The following TRAF2 variants were observed in gnomAD, a reference collection of about 807,000 sequenced individuals.
The protein encoded by TRAF2 is TNF receptor associated factor 2, also known as TNF receptor-associated factor 2.
A neutral mutation model predicts 55.6 loss-of-function variants in TRAF2; 6 were observed. That is an observed-to-expected ratio of 0.11 (90% confidence interval 0.06 to 0.21). The LOEUF (loss-of-function observed/expected upper bound fraction) is 0.21. Among genes scored for constraint, TRAF2 ranks in the 10% least tolerant of loss-of-function variants. The pLI is 1.00. For synonymous variants in TRAF2, 329 were observed against 276.3 expected (o/e 1.19, Z -1.89); for missense variants, 561 against 684.5 (o/e 0.82, Z 2.01).
chr9:136,913,528 AC>A lies in TRAF2; in HGVS notation c.604-3011del, dbSNP rs1471491539. The stretch of plus-strand genomic sequence containing the variant: ...TGGCCAGGCTGGTCTCAAACTCCTG[AC>A]CTCGTGATCCACCTGCCTCGGCCTC... On this transcript the variant is annotated intron_variant, in intron 6 of 10. Coordinates refer to ENST00000247668, the MANE Select transcript of TRAF2 (RefSeq NM_021138.4). 3.3e-5 allele frequency among the ~76,000 whole-genome samples: 5 copies of A among 151,190 alleles called. No individual in the cohort carries two copies. In the South Asian group the frequency reaches 6.3e-4, roughly 19 times the overall value.
intron 5 of TRAF2, among the ~76,000 whole-genome samples, chr9:136,909,037 CAAAAAAAAA>C (rs10597975): frequency 4.1e-5 from 6 of 147,206 alleles, no homozygotes; most frequent in Non-Finnish European, 6.0e-5. Context: ...GACTCTGTCT[CAAAAAAAAA>C]AAAAAGAAAA....
At chr9:136,904,869 G>C (rs1849910503) in intron 4 of TRAF2, among the ~76,000 whole-genome samples, 1 of 152,236 alleles carries the variant, frequency 6.6e-6, no homozygotes, top group South Asian at 2.1e-4. Context: ...TCCCGTCAGT[G>C]GGTAGCAGAG....
chr9:136,890,143 C>T (rs761341753), intron 1 of TRAF2, among the ~76,000 whole-genome samples: 40 of 144,254 alleles, frequency 2.8e-4, no homozygotes, highest in Admixed American at 1.4e-4. Flanking sequence ...CTCGTTCAGC[C>T]GGTCACCGTG....
intron 1 of TRAF2, among the ~76,000 whole-genome samples, chr9:136,893,942 G>A (rs1849630798): frequency 6.6e-6 from 1 of 151,238 alleles, no homozygotes; most frequent in South Asian, 2.1e-4. Context: ...TAGAGATGGG[G>A]TTTCACCATG....
At chr9:136,900,668 C>T (rs891108776) in intron 4 of TRAF2, 148 bp downstream of exon 4, 30 of 729,998 alleles carry the variant, frequency 4.1e-5, no homozygotes, top group African/African-American at 3.7e-4. Flanking sequence ...GACGGAGCTG[C>T]TCCTTAGAGT....
intron 4 of TRAF2, among the ~76,000 whole-genome samples, chr9:136,905,817 C>G (rs1312853631): frequency 6.6e-6 from 1 of 152,010 alleles, no homozygotes; most frequent in African/African-American, 2.4e-5. Flanking sequence ...GGTAAGATGG[C>G]TCTACCGCCG....
chr9:136,922,187 C>T (rs559945757), intron 9 of TRAF2, among the ~76,000 whole-genome samples: 1 of 152,184 alleles, frequency 6.6e-6, no homozygotes, highest in African/African-American at 2.4e-5. Flanking sequence ...TTGTGTGGTG[C>T]CTGCTGCCAA....
Position 136,926,143 on chromosome 9 carries a change from T to C in TRAF2, c.*242T>C, listed in dbSNP as rs1323114047. 1 of 703,904 alleles carries C rather than the reference T, an allele frequency of 1.4e-6. No individual in the cohort carries two copies. 43.6% of individuals were successfully genotyped at this position (703,904 alleles called of 1,614,324 possible). A position where few individuals can be genotyped will look rare whatever the true frequency, so the allele number is the denominator to read the frequency against. On this transcript the variant is annotated 3_prime_UTR_variant, in exon 11 of 11. Coordinates refer to ENST00000247668, the MANE Select transcript of TRAF2 (RefSeq NM_021138.4). Reference sequence around the variant, plus strand: ...GTCTTAGCCAAGGGCTGTGGTGGCATTGGCCGAGGGTCTTCGGGTGCTTCC... The same window carrying C: ...GTCTTAGCCAAGGGCTGTGGTGGCACTGGCCGAGGGTCTTCGGGTGCTTCC...
upstream of TRAF2, among the ~76,000 whole-genome samples, chr9:136,884,518 C>A (rs1388470838): frequency 2.0e-5 from 3 of 152,122 alleles, no homozygotes; most frequent in African/African-American, 7.2e-5. Context: ...CGAGATCGCA[C>A]CACTGCACTC....
chr9:136,893,594 G>A (rs931605764), intron 1 of TRAF2, among the ~76,000 whole-genome samples: 1 of 152,168 alleles, frequency 6.6e-6, no homozygotes, highest in African/African-American at 2.4e-5. Context: ...GCACCGTCTG[G>A]GGAAGACACT....
At chr9:136,914,298 C>A (rs1850189728) in intron 6 of TRAF2, among the ~76,000 whole-genome samples, 1 of 152,234 alleles carries the variant, frequency 6.6e-6, no homozygotes, top group Non-Finnish European at 1.5e-5. Flanking sequence ...CACACCTACC[C>A]TACCTGGGCG....
intron 7 of TRAF2, among the ~76,000 whole-genome samples, chr9:136,918,723 AT>A (rs764854931): frequency 5.6e-4 from 84 of 151,288 alleles, no homozygotes; most frequent in Non-Finnish European, 1.0e-3. Flanking sequence ...TTTATTTCTT[AT>A]TTTATTTTGT....
upstream of TRAF2, chr9:136,882,064 C>T (rs888989518): frequency 1.2e-5 from 12 of 984,054 alleles, no homozygotes; most frequent in African/African-American, 5.2e-5. Flanking sequence ...CAGCACCAGG[C>T]ACACAAGGGT....
upstream of TRAF2, among the ~76,000 whole-genome samples, chr9:136,884,253 T>A (rs1018684254): frequency 6.6e-6 from 1 of 151,688 alleles, no homozygotes; most frequent in South Asian, 2.1e-4. Context: ...TGGCTGTTTT[T>A]TCTTTTTTAA....
At chr9:136,923,319 T>TGG (rs1178875402) in intron 9 of TRAF2, among the ~76,000 whole-genome samples, 1 of 152,132 alleles carries the variant, frequency 6.6e-6, no homozygotes, top group Non-Finnish European at 1.5e-5. Flanking sequence ...TTCTTAGAAA[T>TGG]GCTTTTTCTG....
At chr9:136,910,277 C>T (rs1391445908) in intron 6 of TRAF2, among the ~76,000 whole-genome samples, 2 of 152,204 alleles carry the variant, frequency 1.3e-5, no homozygotes, top group Non-Finnish European at 2.9e-5. Context: ...GAAAATGAAA[C>T]ATTAAAGTTC....
upstream of TRAF2, among the ~76,000 whole-genome samples, chr9:136,884,402 CA>C (rs535282348): frequency 4.0e-3 from 610 of 151,622 alleles, 5 homozygotes; most frequent in African/African-American, 0.014. Flanking sequence ...TACTAAAATA[CA>C]AAAAAAATTA....
intron 9 of TRAF2, 91 bp downstream of exon 9, chr9:136,921,306 A>G: frequency 2.0e-6 from 3 of 1,522,984 alleles, no homozygotes; most frequent in African/African-American, 1.4e-5. Flanking sequence ...ATGGCTCCCA[A>G]GGGTGGGGCT....
At chr9:136,883,323 G>A (rs1407208837), upstream of TRAF2, among the ~76,000 whole-genome samples, 1 of 152,174 alleles carries the variant, frequency 6.6e-6, no homozygotes, top group Non-Finnish European at 1.5e-5. Context: ...CGAGGGCTGT[G>A]GGCATTTGCC....
Sources: gnomAD v4.1 joint callset for allele counts (sites outside exome capture counted in the v4.1 genomes callset) on GRCh38, gnomAD v4.1.1 for gene constraint, MANE v1.5 for transcripts, NCBI Gene and HGNC (gene_info 2026-07-23, HGNC 2026-07-21) for gene names.